The following IL1RAPL1 variants were observed in gnomAD, a reference collection of about 807,000 sequenced individuals.
IL1RAPL1 encodes interleukin 1 receptor accessory protein like 1, also known as interleukin-1 receptor accessory protein-like 1.
In IL1RAPL1, 3 loss-of-function variants were observed where a neutral mutation model predicts 48.4. The observed-to-expected ratio is 0.06, with a 90% CI of 0.03 to 0.16. The LOEUF is 0.16. Ranked by LOEUF, IL1RAPL1 falls within the 10% of genes least tolerant of loss-of-function variation. The pLI, the probability that IL1RAPL1 is intolerant of heterozygous loss-of-function variation, is 1.00. For missense variants in IL1RAPL1, 349 were observed against 530.6 expected (o/e 0.66, Z 3.36); for synonymous variants, 185 against 187.7 (o/e 0.99, Z 0.12).
intron 6 of IL1RAPL1, among the ~76,000 whole-genome samples, chrX:29,825,221 T>C (rs1930708861): frequency 9.0e-6 from 1 of 111,118 alleles, no homozygotes; most frequent in African/African-American, 3.3e-5. Flanking sequence ...CCTCACTTCA[T>C]AGTGTGGCCA....
At chrX:29,536,228 G>A (rs1921227880) in intron 5 of IL1RAPL1, among the ~76,000 whole-genome samples, 1 of 111,791 alleles carries the variant, frequency 8.9e-6, no homozygotes, top group South Asian at 3.7e-4. Flanking sequence ...TCACTTCAGA[G>A]AAACATTAAT....
intron 6 of IL1RAPL1, among the ~76,000 whole-genome samples, chrX:29,881,830 A>G (rs1306126659): frequency 8.9e-6 from 1 of 111,757 alleles, no homozygotes; most frequent in Non-Finnish European, 1.9e-5. Flanking sequence ...TCTTATATGT[A>G]CAGTAGTGAT....
At chrX:29,379,280 G>A (rs1427923241) in intron 3 of IL1RAPL1, among the ~76,000 whole-genome samples, 2 of 112,393 alleles carry the variant, frequency 1.8e-5, no homozygotes, top group African/African-American at 6.5e-5. Context: ...TATCCAGGTA[G>A]AGGCTCTGGG....
At chrX:29,332,095 C>CTTTTTTTTTTTTT (rs72360733) in intron 3 of IL1RAPL1, among the ~76,000 whole-genome samples, 4 of 27,888 alleles carry the variant, frequency 1.4e-4, no homozygotes, top group Admixed American at 7.5e-4. Flanking sequence ...ATTCTAAGGT[C>CTTTTTTTTTTTTT]TTTTTTTTTT....
chrX:28,779,652 A>G (rs1429690808), intron 1 of IL1RAPL1, among the ~76,000 whole-genome samples: 24 of 84,681 alleles, frequency 2.8e-4, no homozygotes, highest in African/African-American at 6.6e-4. Context: ...ATATATATAT[A>G]TATATATATA....
At chrX:28,610,945 C>G (rs1200406933) in intron 1 of IL1RAPL1, among the ~76,000 whole-genome samples, 3 of 111,262 alleles carry the variant, frequency 2.7e-5, no homozygotes, top group Non-Finnish European at 5.7e-5. Context: ...TGCGCGTACC[C>G]TCTACATCTT....
chrX:29,771,341 A>G (rs887902746), intron 6 of IL1RAPL1, among the ~76,000 whole-genome samples: 2 of 112,232 alleles, frequency 1.8e-5, no homozygotes, highest in South Asian at 3.7e-4. Context: ...TTTCTTAAAT[A>G]AAAGGGAGGA....
rs774267901 is a variant in IL1RAPL1, at chrX:28,703,971, G to A, written c.-24-85349G>A. ...ATGCTTCAAAGACCTTAGGCTATGA[G>A]TGGTAGAGGCTGTGAAGCCTTACCT... On this transcript the variant is annotated intron_variant, in intron 1 of 10. Transcript: ENST00000378993. 1.1e-4 allele frequency among the ~76,000 whole-genome samples: 12 copies of A among 111,835 alleles called. No individual in the cohort carries two copies. In the South Asian group the frequency reaches 4.1e-3, roughly 38 times the overall value.
chrX:29,311,631 A>G lies in IL1RAPL1; in HGVS notation c.362+28414A>G, dbSNP rs1276019225. On this transcript the variant is annotated intron_variant, in intron 3 of 10. Coordinates refer to ENST00000378993, the MANE Select transcript of IL1RAPL1 (RefSeq NM_014271.4). The stretch of plus-strand genomic sequence containing the variant: ...AATTTTTTTCATAGAAATTAATGTA[A>G]ATAGCCATATGTTGCTAGTGGCTAC... Among the ~76,000 whole-genome samples the G allele has an allele frequency of 4.4e-5, 5 of 112,400 alleles. No individual in the cohort carries two copies. The East Asian group carries it at 1.4e-3, about 31-fold the overall frequency.
At chrX:28,811,066 C>T (rs940743692) in intron 2 of IL1RAPL1, among the ~76,000 whole-genome samples, 68 of 110,610 alleles carry the variant, frequency 6.1e-4, no homozygotes, top group African/African-American at 2.2e-3. Context: ...GCCCAAATAA[C>T]TTGTTTGGAT....
intron 2 of IL1RAPL1, among the ~76,000 whole-genome samples, chrX:28,817,888 G>A (rs1170778505): frequency 2.7e-5 from 3 of 110,757 alleles, no homozygotes; most frequent in Admixed American, 9.6e-5. Flanking sequence ...GTTTTGATGG[G>A]GAGTGTTTAA....
chrX:28,913,681 A>G (rs1923415991), intron 2 of IL1RAPL1, among the ~76,000 whole-genome samples: 1 of 111,335 alleles, frequency 9.0e-6, no homozygotes, highest in Non-Finnish European at 1.9e-5. Flanking sequence ...ACAGAGCAAG[A>G]CGCTGTTTCT....
intron 3 of IL1RAPL1, among the ~76,000 whole-genome samples, chrX:29,304,261 C>CT (rs1227065860): frequency 4.5e-5 from 5 of 110,456 alleles, no homozygotes; most frequent in East Asian, 2.8e-4. Flanking sequence ...AATGGCAACT[C>CT]TTTTTTTTCT....
intron 6 of IL1RAPL1, among the ~76,000 whole-genome samples, chrX:29,684,742 T>G (rs1293579665): frequency 8.9e-6 from 1 of 111,824 alleles, no homozygotes; most frequent in Admixed American, 9.5e-5. Flanking sequence ...ACAGAATGTC[T>G]CGAGAGCTGC....
chrX:29,437,770 C>T (rs66478521), intron 5 of IL1RAPL1, among the ~76,000 whole-genome samples: 50,670 of 108,874 alleles, frequency 0.47, 8,682 homozygotes, highest in East Asian at 0.77. Context: ...GAATAAACTC[C>T]ACTTTGCTCT....
chrX:28,871,408 T>A (rs906207767), intron 2 of IL1RAPL1, among the ~76,000 whole-genome samples: 8 of 112,046 alleles, frequency 7.1e-5, no homozygotes, highest in African/African-American at 2.6e-4. Context: ...TTTAACTGCC[T>A]TGTTTTCCTT....
chrX:28,939,270 A>G (rs897509735), intron 2 of IL1RAPL1, among the ~76,000 whole-genome samples: 1 of 111,302 alleles, frequency 9.0e-6, no homozygotes, highest in South Asian at 3.7e-4. Context: ...TAGCAAAGAC[A>G]TAGAATAAAT....
chrX:29,522,977 T>C (rs763064183), intron 5 of IL1RAPL1, among the ~76,000 whole-genome samples: 1 of 111,469 alleles, frequency 9.0e-6, no homozygotes, highest in Non-Finnish European at 1.9e-5. Flanking sequence ...TAGGTCCTTG[T>C]AGCGACAATT....
At chrX:29,341,692 T>C in intron 3 of IL1RAPL1, among the ~76,000 whole-genome samples, 1 of 111,933 alleles carries the variant, frequency 8.9e-6, no homozygotes, top group Non-Finnish European at 1.9e-5. Context: ...GCATGGAGTA[T>C]GCTAATATGT....
Sources: allele counts gnomAD v4.1 joint callset (sites outside exome capture counted in the v4.1 genomes callset), GRCh38; gene constraint gnomAD v4.1.1; transcripts MANE v1.5; gene names NCBI Gene and HGNC (gene_info 2026-07-23, HGNC 2026-07-21).